The following PLEKHH2 variants were observed in gnomAD, a reference collection of about 807,000 sequenced individuals.
PLEKHH2 encodes the protein pleckstrin homology, MyTH4 and FERM domain containing H2, also known as pleckstrin homology domain-containing family H member 2.
In PLEKHH2, 129 loss-of-function variants were observed where a neutral mutation model predicts 187.9. That is an observed-to-expected ratio of 0.69 (90% confidence interval 0.59 to 0.79). The LOEUF (loss-of-function observed/expected upper bound fraction) is 0.79, where lower values mean the gene tolerates loss of function less well. PLEKHH2 is among the 30% of genes least tolerant of loss of function. PLEKHH2 has a pLI of 0.00. For synonymous variants in PLEKHH2, 686 were observed against 605.6 expected, an observed-to-expected ratio of 1.13 and a Z score of -1.95; for missense variants, 2,076 against 1,751.2, an observed-to-expected ratio of 1.19 and a Z score of -3.31.
intron 20 of PLEKHH2, among the ~76,000 whole-genome samples, chr2:43,738,831 G>C (rs1040069870): frequency 4.7e-4 from 71 of 152,244 alleles, no homozygotes; most frequent in African/African-American, 1.7e-3. Context: ...TAATGGTCAT[G>C]TTAACATTAA....
chr2:43,681,609 C>A (rs987405482), intron 3 of PLEKHH2: 8 of 720,316 alleles, frequency 1.1e-5, no homozygotes, highest in African/African-American at 8.8e-5. Flanking sequence ...TGGAGCTGTA[C>A]ACGATATGAC....
At chr2:43,681,612 G>A (rs942755340) in intron 3 of PLEKHH2, 16 of 723,176 alleles carry the variant, frequency 2.2e-5, no homozygotes, top group Middle Eastern at 3.1e-4. Context: ...AGCTGTACAC[G>A]ATATGACACA....
intron 2 of PLEKHH2, chr2:43,675,971 C>T (rs755459740): frequency 6.2e-7 from 1 of 1,614,012 alleles, no homozygotes; most frequent in Non-Finnish European, 8.5e-7. Context: ...CTCATCTGTA[C>T]CCACCTGTCA....
chr2:43,763,810 C>G (rs1331750946), intron 28 of PLEKHH2, among the ~76,000 whole-genome samples: 1 of 152,064 alleles, frequency 6.6e-6, no homozygotes, highest in Non-Finnish European at 1.5e-5. Context: ...ATCCATCTAT[C>G]TAGGTGAACT....
intron 2 of PLEKHH2, among the ~76,000 whole-genome samples, chr2:43,645,463 G>T (rs1451584415): frequency 1.3e-5 from 2 of 152,004 alleles, no homozygotes. Flanking sequence ...TATTTCCAGG[G>T]AACTTGAATT....
chr2:43,695,634 G>T (rs747997028), intron 6 of PLEKHH2, among the ~76,000 whole-genome samples: 2 of 152,136 alleles, frequency 1.3e-5, no homozygotes, highest in African/African-American at 2.4e-5. Flanking sequence ...AATCTCTAAT[G>T]GTAAGGACAT....
rs561006775 is a variant in PLEKHH2 at position 43,650,017 on chromosome 2, AG to A, written c.123+5222del. Among the ~76,000 whole-genome samples the A allele has an allele frequency of 6.8e-3, 1,037 of 152,218 alleles. 6 individuals carry two copies. Among genetic ancestry groups the A allele is most frequent in the Non-Finnish European group, 0.011 (758 of 68,028 alleles). Reference sequence around the variant, plus strand: ...TGGCTACAGAGGGTACTTCTGTAGCAGTAAATTAAGCACTTAGAATTTGCTG... The same window carrying A: ...TGGCTACAGAGGGTACTTCTGTAGCATAAATTAAGCACTTAGAATTTGCTG... On this transcript the variant is annotated intron_variant, in intron 2 of 29. Coordinates refer to ENST00000282406, the MANE Select transcript of PLEKHH2 (RefSeq NM_172069.4).
intron 25 of PLEKHH2, 133 bp downstream of exon 25, chr2:43,753,893 C>T (rs1672101127): frequency 7.1e-6 from 5 of 707,996 alleles, no homozygotes; most frequent in Non-Finnish European, 1.1e-5. Flanking sequence ...TTAAAAATTA[C>T]AGGCACTATA....
rs143788308 is a variant in PLEKHH2 at position 43,736,827 on chromosome 2, A to C, written c.2944-1514A>C. Among the ~76,000 whole-genome samples the C allele has an allele frequency of 4.5e-3, 680 of 152,216 alleles. 5 individuals carry two copies. Among genetic ancestry groups the C allele is most frequent in the African/African-American group, 0.015 (632 of 41,540 alleles). On this transcript the variant is annotated intron_variant, in intron 19 of 29. Coordinates refer to ENST00000282406, the MANE Select transcript of PLEKHH2 (RefSeq NM_172069.4). ...CAGAGCAAGACTCCGTCTAAAAAAT[A>C]AATAAATCAATCAATCACAGGGCTG...
Position 43,743,946 on chromosome 2 carries a change from C to T in PLEKHH2, c.3512C>T (p.Pro1171Leu), listed in dbSNP as rs377153593. The T allele has an allele frequency of 1.2e-6, 2 of 1,613,928 alleles. No homozygotes were observed. Among genetic ancestry groups the T allele is most frequent in the African/African-American group, 1.3e-5 (1 of 74,920 alleles). Residue 1171 changes from proline to leucine, a missense_variant, in exon 23 of 30, where the codon CCT (proline) becomes CTT (leucine). Coordinates refer to ENST00000282406, the MANE Select transcript of PLEKHH2 (RefSeq NM_172069.4). ...QSGFALFTDD[P>L]SGRDLEHCLQ... ...GGATTTGCGTTGTTCACTGACGATC[C>T]TTCTGGCAGAGATTTAGAGCATTGT...
intron 2 of PLEKHH2, among the ~76,000 whole-genome samples, chr2:43,649,606 A>G (rs1395691024): frequency 6.6e-6 from 1 of 152,188 alleles, no homozygotes; most frequent in African/African-American, 2.4e-5. Flanking sequence ...TAAATTATAC[A>G]TTCCCTCAGT....
chr2:43,652,055 T>A (rs980552309), intron 2 of PLEKHH2, among the ~76,000 whole-genome samples: 8 of 152,204 alleles, frequency 5.3e-5, no homozygotes, highest in Non-Finnish European at 1.0e-4. Flanking sequence ...AGTCAATCTT[T>A]TCTTTAGTGT....
At chr2:43,692,979 T>G (rs113901821) in intron 4 of PLEKHH2, among the ~76,000 whole-genome samples, 1,951 of 152,296 alleles carry the variant, frequency 0.013, 36 homozygotes, top group African/African-American at 0.045. Context: ...AGTGGCTCGA[T>G]CTCAGCTCAC....
intron 2 of PLEKHH2, among the ~76,000 whole-genome samples, chr2:43,656,214 C>T (rs948128304): frequency 6.6e-6 from 1 of 152,180 alleles, no homozygotes; most frequent in African/African-American, 2.4e-5. Context: ...GCCTCTGTCT[C>T]CCAAAGTGCT....
chr2:43,712,577 T>A (rs544233908), intron 15 of PLEKHH2, among the ~76,000 whole-genome samples, 194 bp downstream of exon 15: 1 of 152,176 alleles, frequency 6.6e-6, no homozygotes, highest in Non-Finnish European at 1.5e-5. Flanking sequence ...GACTATAATA[T>A]GTAAAAATGT....
At position 43,731,514 on chromosome 2, in the gene PLEKHH2, C is replaced by G; in HGVS notation, c.2855C>G (p.Thr952Ser). Residue 952 changes from threonine to serine, a missense_variant, in exon 19 of 30, where the codon ACT (threonine) becomes AGT (serine). Coordinates refer to ENST00000282406, the MANE Select transcript of PLEKHH2 (RefSeq NM_172069.4). ...GCCTCTCAGATATGGAGACACCCCA[C>G]TTTGTGTCACAGTAAAGAAGGAATC... ...EPSSQIWRHP[T>S]LCHSKEGIIS... The G allele has an allele frequency of 6.2e-7, 1 of 1,603,310 alleles. No homozygotes were observed. Among genetic ancestry groups the G allele is most frequent in the Non-Finnish European group, 8.5e-7 (1 of 1,170,720 alleles).
chr2:43,764,363 A>T lies in PLEKHH2; in HGVS notation c.4294A>T (p.Lys1432Ter). 1.2e-6 allele frequency: 2 copies of T among 1,612,784 alleles called. No individual in the cohort carries two copies. Among genetic ancestry groups the T allele is most frequent in the Non-Finnish European group, 1.7e-6 (2 of 1,179,358 alleles). ...ATTACTTTTTGCCATGGCAAAACCC[A>T]AGGTGAGTAGAAGCCTTTCTGCCAA... ...EKLLFAMAKPKILEITLLIAS... is the reference protein window; with the variant it reads ...EKLLFAMAKP Residue 1432 changes from lysine to a stop codon, truncating the protein, a stop_gained and splice_region_variant, in exon 29 of 30, where the codon AAG becomes TAG. Transcript: ENST00000282406. LOFTEE classifies it high-confidence loss of function.
intron 27 of PLEKHH2, among the ~76,000 whole-genome samples, chr2:43,760,569 G>A (rs896756074): frequency 6.6e-6 from 1 of 151,882 alleles, no homozygotes; most frequent in Non-Finnish European, 1.5e-5. Flanking sequence ...CACCATTTTG[G>A]CCAGACTAGT....
At chr2:43,676,566 C>T (rs1158716822) in intron 2 of PLEKHH2, among the ~76,000 whole-genome samples, 1 of 151,822 alleles carries the variant, frequency 6.6e-6, no homozygotes, top group Non-Finnish European at 1.5e-5. Flanking sequence ...GCCTTCCAAC[C>T]AGCAATAAAG....
Sources: gnomAD v4.1 joint callset for allele counts (sites outside exome capture counted in the v4.1 genomes callset) on GRCh38, gnomAD v4.1.1 for gene constraint, MANE v1.5 for transcripts, NCBI Gene and HGNC (gene_info 2026-07-23, HGNC 2026-07-21) for gene names.